The following SOX5 variants were observed in gnomAD, a reference collection of about 807,000 sequenced individuals.
The protein encoded by SOX5 is SRY-box transcription factor 5.
Under a neutral mutation model 92.0 loss-of-function variants are expected in SOX5, and 9 were observed. The ratio of observed to expected loss-of-function variants is 0.10; its 90% CI spans 0.06 to 0.17. The LOEUF is 0.17. Ranked by LOEUF, SOX5 falls within the 10% of genes least tolerant of loss-of-function variation. SOX5 has a pLI of 1.00. For missense variants in SOX5, 642 were observed against 944.5 expected, an observed-to-expected ratio of 0.68 and a Z score of 4.20; for synonymous variants, 344 against 336.3, an observed-to-expected ratio of 1.02 and a Z score of -0.25.
At chr12:23,769,955 T>A (rs898146666) in intron 3 of SOX5, among the ~76,000 whole-genome samples, 6 of 151,968 alleles carry the variant, frequency 3.9e-5, no homozygotes, top group African/African-American at 1.4e-4. Context: ...GATGTATTTA[T>A]AATGAGATGG....
chr12:24,340,521 A>T (rs980204804), intron 2 of SOX5, among the ~76,000 whole-genome samples: 2 of 152,234 alleles, frequency 1.3e-5, no homozygotes, highest in African/African-American at 4.8e-5. Flanking sequence ...AAAGCTGTTG[A>T]GCAAGTTTCT....
intron 13 of SOX5, among the ~76,000 whole-genome samples, chr12:23,540,603 ACATTTTACTC>A (rs1433906138): frequency 2.0e-5 from 3 of 152,162 alleles, no homozygotes. Context: ...GTGAATTTGC[ACATTTTACTC>A]CAACTAAACT....
chr12:23,920,230 G>A (rs920365408), intron 1 of SOX5: 1 of 152,096 alleles, frequency 6.6e-6, no homozygotes, highest in Non-Finnish European at 1.5e-5. Flanking sequence ...TACAAAAAGC[G>A]ATAGAAAAGA....
intron 1 of SOX5, among the ~76,000 whole-genome samples, chr12:23,904,035 AATTATT>A (rs1273366850): frequency 1.3e-5 from 2 of 152,176 alleles, no homozygotes; most frequent in African/African-American, 2.4e-5. Context: ...TATGAATTTC[AATTATT>A]ATTATATCTT....
In SOX5 at chr12:23,794,833, T is replaced by G. The variant is rs537894524; in HGVS notation, c.482-39109A>C. 5.5e-4 allele frequency among the ~76,000 whole-genome samples: 84 copies of G among 152,284 alleles called. 2 individuals are homozygous for G. The highest frequency in any genetic ancestry group is 2.0e-3 in the African/African-American group (83 of 41,574). The stretch of plus-strand genomic sequence containing the variant: ...CATTTTTATAGTACTGGCATTAAAA[T>G]AGTATCATTTCTTAGTCAAATAAGT... On this transcript the variant is annotated intron_variant, in intron 3 of 14. Coordinates refer to ENST00000451604, the MANE Select transcript of SOX5 (RefSeq NM_006940.6).
At chr12:24,411,248 C>T (rs758724869) in intron 1 of SOX5, among the ~76,000 whole-genome samples, 23 of 151,226 alleles carry the variant, frequency 1.5e-4, no homozygotes, top group Admixed American at 6.6e-4. Context: ...ACAATGATAT[C>T]AAATGAAAAA....
At chr12:24,096,074 T>C (rs1241764410) in intron 4 of SOX5, among the ~76,000 whole-genome samples, 1 of 152,162 alleles carries the variant, frequency 6.6e-6, no homozygotes, top group Non-Finnish European at 1.5e-5. Context: ...ATTTTTACTA[T>C]TAACTTTTAC....
At chr12:23,596,790 A>T (rs1952539592) in intron 9 of SOX5, among the ~76,000 whole-genome samples, 1 of 152,150 alleles carries the variant, frequency 6.6e-6, no homozygotes, top group Non-Finnish European at 1.5e-5. Context: ...TATGATGTTC[A>T]TTGAGGTTTT....
Position 23,530,851 on chromosome 12 carries a change from G to GAGAA in SOX5, c.*3364_*3367dup, listed in dbSNP as rs1391777558. On this transcript the variant is annotated 3_prime_UTR_variant, in exon 15 of 15. Transcript: ENST00000451604. ...CGCGCGCGCGCATGTGAGAGAGAGA[G>GAGAA]AGAAAGGGAAAGAGATAAAGTGTGA... 2.6e-5 allele frequency: 4 copies of GAGAA among 151,266 alleles called. No homozygotes were observed. The highest frequency in any genetic ancestry group is 9.7e-5 in the African/African-American group (4 of 41,194). 9.4% of individuals were successfully genotyped at this position (151,266 alleles called of 1,614,324 possible).
chr12:24,165,290 G>A (rs1953268643), intron 4 of SOX5, among the ~76,000 whole-genome samples: 2 of 152,088 alleles, frequency 1.3e-5, no homozygotes, highest in African/African-American at 4.8e-5. Context: ...GGGCTATGGA[G>A]CTTATAAAAT....
At chr12:24,348,049 CAAAAAAA>C (rs1182462748) in intron 2 of SOX5, among the ~76,000 whole-genome samples, 3 of 72,722 alleles carry the variant, frequency 4.1e-5, no homozygotes, top group South Asian at 4.6e-4. Flanking sequence ...TACAGCTAAT[CAAAAAAA>C]AAAAAAAAAA....
intron 2 of SOX5, among the ~76,000 whole-genome samples, chr12:23,868,848 G>A (rs953742564): frequency 4.6e-5 from 7 of 152,072 alleles, no homozygotes; most frequent in Non-Finnish European, 7.4e-5. Flanking sequence ...TTGAGTTCAT[G>A]AGATAGGATT....
intron 8 of SOX5, among the ~76,000 whole-genome samples, chr12:23,635,911 G>A (rs1269356654): frequency 6.6e-6 from 1 of 152,096 alleles, no homozygotes; most frequent in Admixed American, 6.6e-5. Context: ...TTATGGGGAA[G>A]AGGGAGGAAG....
At chr12:24,528,055 G>A (rs533826048) in intron 1 of SOX5, among the ~76,000 whole-genome samples, 49 of 152,140 alleles carry the variant, frequency 3.2e-4, no homozygotes, top group Non-Finnish European at 6.0e-4. Context: ...GCAAGTTTAC[G>A]AATTTTTATT....
At chr12:23,725,377 G>T (rs2093057074) in intron 6 of SOX5, among the ~76,000 whole-genome samples, 1 of 152,130 alleles carries the variant, frequency 6.6e-6, no homozygotes, top group Non-Finnish European at 1.5e-5. Flanking sequence ...CATGGCAGCA[G>T]GCAACAGAGA....
intron 1 of SOX5, among the ~76,000 whole-genome samples, chr12:24,383,604 T>C (rs1322313433): frequency 6.6e-6 from 1 of 152,220 alleles, no homozygotes. Context: ...CCACTGTCTA[T>C]GCCACCTGCC....
intron 10 of SOX5, among the ~76,000 whole-genome samples, chr12:23,571,793 C>T (rs1276473734): frequency 6.6e-6 from 1 of 152,132 alleles, no homozygotes; most frequent in Non-Finnish European, 1.5e-5. Flanking sequence ...TAGGTAGACA[C>T]ACAGGCTCTT....
intron 3 of SOX5, among the ~76,000 whole-genome samples, chr12:24,256,416 C>G (rs1265981411): frequency 6.6e-6 from 1 of 152,092 alleles, no homozygotes; most frequent in Non-Finnish European, 1.5e-5. Context: ...CTTTAATTAC[C>G]ATTCAGAGCC....
intron 9 of SOX5, among the ~76,000 whole-genome samples, chr12:23,585,990 G>A (rs531270681): frequency 4.6e-5 from 7 of 152,010 alleles, no homozygotes; most frequent in East Asian, 1.9e-4. Context: ...AATCAAATAC[G>A]GCCTCCTTAA....
Sources: allele counts gnomAD v4.1 joint callset (sites outside exome capture counted in the v4.1 genomes callset), GRCh38; gene constraint gnomAD v4.1.1; transcripts MANE v1.5; gene names NCBI Gene and HGNC (gene_info 2026-07-23, HGNC 2026-07-21).